DMXL2: variants seen among roughly 807,000 people sequenced by gnomAD.
The protein encoded by DMXL2 is dmX-like protein 2.
Under a neutral mutation model 331.1 loss-of-function variants are expected in DMXL2, and 103 were observed. The observed-to-expected ratio is 0.31, with a 90% CI of 0.27 to 0.37. DMXL2 has a LOEUF of 0.37. DMXL2 is among the 10% of genes least tolerant of loss of function. The probability of loss-of-function intolerance (pLI) is 1.00; values close to 1 mark genes in which losing one functional copy is unlikely to be tolerated. For missense variants in DMXL2, 3,171 were observed against 3,642.9 expected, an observed-to-expected ratio of 0.87 and a Z score of 3.33; for synonymous variants, 1,281 against 1,252.1, an observed-to-expected ratio of 1.02 and a Z score of -0.49.
At chr15:51,506,282 C>G (rs1407996982) in intron 16 of DMXL2, among the ~76,000 whole-genome samples, 1 of 151,954 alleles carries the variant, frequency 6.6e-6, no homozygotes, top group African/African-American at 2.4e-5. Context: ...AGGCTGATCT[C>G]GAATTCCTGT....
chr15:51,588,853 C>T (rs1291740030), intron 1 of DMXL2, among the ~76,000 whole-genome samples: 2 of 152,172 alleles, frequency 1.3e-5, no homozygotes, highest in East Asian at 3.8e-4. Context: ...CCTTCAGCAG[C>T]CAAATGAAAG....
In DMXL2 at chr15:51,502,842, C is replaced by T. The variant is rs2043772454; in HGVS notation, c.2956G>A (p.Glu986Lys). The change falls in exon 17 of 44, where the codon GAA becomes AAA. Residue 986 changes from glutamate (E) to lysine (K), a missense_variant. Around this residue, in one of 7 missense-constraint regions of DMXL2, gnomAD observed 1,674 missense variants for 1,780.2 expected, o/e 0.94. Transcript: ENST00000560891. The part of the protein sequence containing the change: ...LVYSQPLDLP[E>K]SVEVIRATPS... ...GTTGCTCTTATTACTTCAACTGATT[C>T]TGGGAGATCAAGGGGTTGGCTATAC... is the stretch of plus-strand genomic sequence containing the variant. The T allele has an allele frequency of 6.2e-7, 1 of 1,614,096 alleles. No homozygotes were observed. Among genetic ancestry groups the T allele is most frequent in the Non-Finnish European group, 8.5e-7 (1 of 1,180,004 alleles).
rs760406428 is a variant in DMXL2 at position 51,450,318 on chromosome 15, C to G, written c.8778G>C (p.Thr2926=). ...HGFTCHDHGA[T]VLQYAPKQQL... ...GCTGTTTGGGTGCATACTGCAGTAC[C>G]GTGGCACCATGATCGTGGCACGTGA... is the stretch of plus-strand genomic sequence containing the variant. The change falls in exon 43 of 44, where the codon ACG becomes ACC. Residue 2926 remains threonine, a synonymous_variant. Transcript: ENST00000560891. The G allele has an allele frequency of 5.6e-6, 9 of 1,613,910 alleles. 1 individual carries two copies. Among genetic ancestry groups the G allele is most frequent in the South Asian group, 2.2e-5 (2 of 91,072 alleles).
intron 25 of DMXL2, among the ~76,000 whole-genome samples, chr15:51,479,489 C>A (rs2041849482): frequency 6.6e-6 from 1 of 152,116 alleles, no homozygotes; most frequent in Non-Finnish European, 1.5e-5. Context: ...CTCTGATTGC[C>A]TCTAACTATT....
chr15:51,547,406 A>G lies in DMXL2; in HGVS notation c.570T>C (p.Asp190=). ...GATACCACACTTTCAAAAGACAATC[A>G]TCCTGAAAAATACATAGGTCAATAT... ...DGEYFATAGK[D]DCLLKVWYPM... Residue 190 remains aspartate (D), a splice_region_variant and synonymous_variant, in exon 7 of 44, where the codon GAT becomes GAC. Transcript: ENST00000560891. 1.9e-6 allele frequency: 3 copies of G among 1,580,346 alleles called. No homozygotes were observed. The highest frequency in any genetic ancestry group is 2.6e-6 in the Non-Finnish European group (3 of 1,168,014).
chr15:51,563,499 A>G, intron 5 of DMXL2, 52 bp from the exon 6 acceptor site: 2 of 1,302,576 alleles, frequency 1.5e-6, no homozygotes, highest in South Asian at 1.4e-5. Flanking sequence ...GGTGTACTGT[A>G]TATAAAAATG....
At chr15:51,611,046 G>A (rs753778150) in intron 1 of DMXL2, among the ~76,000 whole-genome samples, 2 of 151,782 alleles carry the variant, frequency 1.3e-5, no homozygotes, top group Non-Finnish European at 2.9e-5. Flanking sequence ...ACAAAAATGA[G>A]CTAAGCATTT....
chr15:51,596,396 G>A (rs2052807781), intron 1 of DMXL2, among the ~76,000 whole-genome samples: 1 of 152,190 alleles, frequency 6.6e-6, no homozygotes, highest in Non-Finnish European at 1.5e-5. Flanking sequence ...AGTTAGAATG[G>A]CGATCATTAA....
chr15:51,620,528 T>C (rs373477039), intron 1 of DMXL2, among the ~76,000 whole-genome samples: 29 of 152,348 alleles, frequency 1.9e-4, no homozygotes, highest in African/African-American at 6.7e-4. Flanking sequence ...TTACATTTCC[T>C]AACACAGCTA....
At chr15:51,494,660 A>G (rs1265041545) in intron 19 of DMXL2, among the ~76,000 whole-genome samples, 2 of 152,150 alleles carry the variant, frequency 1.3e-5, no homozygotes, top group East Asian at 3.8e-4. Context: ...ATTAAAGTAA[A>G]TATAAAAACA....
At chr15:51,455,762 G>T (rs577814776) in intron 39 of DMXL2, among the ~76,000 whole-genome samples, 1 of 152,256 alleles carries the variant, frequency 6.6e-6, no homozygotes, top group South Asian at 2.1e-4. Flanking sequence ...AATTTAGTAA[G>T]AAACTAGGTT....
At chr15:51,525,124 G>A (rs189452060) in intron 13 of DMXL2, among the ~76,000 whole-genome samples, 6 of 151,718 alleles carry the variant, frequency 4.0e-5, no homozygotes, top group Admixed American at 3.9e-4. Flanking sequence ...TTTCCCACAC[G>A]ACATTTGTAG....
chr15:51,457,401 G>A lies in DMXL2; in HGVS notation c.8264C>T (p.Ser2755Leu), dbSNP rs1452713124. Residue 2755 changes from serine (S) to leucine (L), a missense_variant, in exon 37 of 44, where the codon TCA becomes TTA. Transcript: ENST00000560891. ...TGAAGGTGGATGCACCTGACTTGCT[G>A]AATAGGATGTTGCACTGGGTTGATA... The part of the protein sequence containing the change: ...TLYQPSATSY[S>L]ASQVHPPSSL... The A allele has an allele frequency of 3.1e-6, 5 of 1,614,194 alleles. No individual in the cohort carries two copies. Among genetic ancestry groups the A allele is most frequent in the Middle Eastern group, 1.6e-4 (1 of 6,062 alleles).
Position 51,536,148 on chromosome 15 carries a change from A to G in DMXL2, c.2314+18T>C, listed in dbSNP as rs1189975369. ...TTTAAAAGCTTGTGTTAATTTCACA[A>G]TTACAATGAACACTTACCTAGACAG... On this transcript the variant is annotated intron_variant, in intron 12 of 43. Coordinates refer to ENST00000560891, the MANE Select transcript of DMXL2 (RefSeq NM_001378457.1). 5.3e-6 allele frequency: 8 copies of G among 1,522,572 alleles called. No individual in the cohort carries two copies. Among genetic ancestry groups the G allele is most frequent in the Admixed American group, 4.5e-5 (2 of 44,022 alleles). The allele number at this position is 1,522,572 out of a possible 1,614,324, so 94.3% of individuals were successfully genotyped here.
At chr15:51,544,738 T>A (rs186779702) in intron 8 of DMXL2, among the ~76,000 whole-genome samples, 1 of 152,278 alleles carries the variant, frequency 6.6e-6, no homozygotes, top group Admixed American at 6.5e-5. Flanking sequence ...AAAAAACTTA[T>A]AAAGTATTAC....
At chr15:51,611,593 G>A (rs1269500483) in intron 1 of DMXL2, among the ~76,000 whole-genome samples, 1 of 152,078 alleles carries the variant, frequency 6.6e-6, no homozygotes, top group African/African-American at 2.4e-5. Context: ...CATCTTGCGG[G>A]GTGGGAGGGA....
chr15:51,475,355 A>T (rs1595937065), intron 27 of DMXL2, among the ~76,000 whole-genome samples: 2 of 152,214 alleles, frequency 1.3e-5, no homozygotes, highest in Middle Eastern at 6.8e-3. Context: ...TTAGCCGGTC[A>T]TGGTGTTATG....
Position 51,601,595 on chromosome 15 carries a change from T to C in DMXL2, c.87+20864A>G, listed in dbSNP as rs189188559. On this transcript the variant is annotated intron_variant, in intron 1 of 43. Coordinates refer to ENST00000560891, the MANE Select transcript of DMXL2 (RefSeq NM_001378457.1). ...AAACATCAACAAATGTGTGGGTCTCTTTCTGGTGCTGATTTTGGTGTATTT... is the reference window on the plus strand; with the variant it reads ...AAACATCAACAAATGTGTGGGTCTCCTTCTGGTGCTGATTTTGGTGTATTT... 1.9e-3 allele frequency among the ~76,000 whole-genome samples: 293 copies of C among 152,298 alleles called. 7 individuals are homozygous for C. Among genetic ancestry groups the C allele is most frequent in the Admixed American group, 0.016 (241 of 15,298 alleles).
At chr15:51,531,775 C>T (rs2048015385) in intron 13 of DMXL2, among the ~76,000 whole-genome samples, 1 of 151,882 alleles carries the variant, frequency 6.6e-6, no homozygotes, top group Non-Finnish European at 1.5e-5. Context: ...GAAAAGGTGC[C>T]CAATATCACA....
Sources: allele counts gnomAD v4.1 joint callset (sites outside exome capture counted in the v4.1 genomes callset), GRCh38; gene constraint gnomAD v4.1.1; regional missense constraint gnomAD v4.1.1; transcripts MANE v1.5; gene names NCBI Gene and HGNC (gene_info 2026-07-23, HGNC 2026-07-21).